Variants in EPHA5 observed in about 807,000 individuals in gnomAD.
EPHA5 encodes ephrin type-A receptor 5.
In EPHA5, 60 loss-of-function variants were observed where a neutral mutation model predicts 105.0. The ratio of observed to expected loss-of-function variants is 0.57; its 90% CI spans 0.46 to 0.71. EPHA5 has a LOEUF of 0.71. Ranked by LOEUF, EPHA5 falls within the 30% of genes least tolerant of loss-of-function variation. EPHA5 has a pLI of 0.00. For missense variants in EPHA5, 1,218 were observed against 1,274.7 expected (o/e 0.96, Z 0.68); for synonymous variants, 513 against 449.1 (o/e 1.14, Z -1.80).
intron 4 of EPHA5, among the ~76,000 whole-genome samples, chr4:65,494,394 C>T (rs1453396429): frequency 6.6e-6 from 1 of 152,132 alleles, no homozygotes; most frequent in African/African-American, 2.4e-5. Context: ...CTACAACTTT[C>T]TGGGACCTAA....
At chr4:65,411,483 A>G (rs1234469704) in intron 7 of EPHA5, among the ~76,000 whole-genome samples, 1 of 152,138 alleles carries the variant, frequency 6.6e-6, no homozygotes, top group Non-Finnish European at 1.5e-5. Flanking sequence ...CTTTTTAAAA[A>G]GTATACTCAG....
intron 5 of EPHA5, among the ~76,000 whole-genome samples, chr4:65,438,060 T>C (rs1725653681): frequency 6.6e-6 from 1 of 152,014 alleles, no homozygotes; most frequent in South Asian, 2.1e-4. Context: ...CATTCTTTTA[T>C]TTAATTAAAT....
chr4:65,483,579 G>T (rs1730593133), intron 5 of EPHA5, among the ~76,000 whole-genome samples: 1 of 152,134 alleles, frequency 6.6e-6, no homozygotes, highest in African/African-American at 2.4e-5. Context: ...ACCTTTCACA[G>T]ATTATTGAAT....
chr4:65,355,689 C>A (rs1189106924), intron 11 of EPHA5, among the ~76,000 whole-genome samples: 2 of 151,484 alleles, frequency 1.3e-5, no homozygotes, highest in Admixed American at 1.3e-4. Flanking sequence ...CCTGGATCAC[C>A]CTATGATATT....
intron 3 of EPHA5, among the ~76,000 whole-genome samples, chr4:65,559,248 T>G (rs1738769306): frequency 6.6e-6 from 1 of 152,176 alleles, no homozygotes; most frequent in South Asian, 2.1e-4. Flanking sequence ...CAATTTAAAA[T>G]CTGCTGAGTT....
At chr4:65,525,239 A>G (rs945539669) in intron 3 of EPHA5, among the ~76,000 whole-genome samples, 7 of 151,720 alleles carry the variant, frequency 4.6e-5, no homozygotes, top group African/African-American at 1.4e-4. Flanking sequence ...AGGAAATACT[A>G]TAATTTATTT....
intron 11 of EPHA5, among the ~76,000 whole-genome samples, chr4:65,364,482 C>T (rs573230142): frequency 6.6e-6 from 1 of 151,630 alleles, no homozygotes; most frequent in Admixed American, 6.6e-5. Flanking sequence ...GAAAGAAAAA[C>T]TAGATTTGCT....
At chr4:65,618,508 A>G (rs1745438337) in intron 2 of EPHA5, among the ~76,000 whole-genome samples, 1 of 152,216 alleles carries the variant, frequency 6.6e-6, no homozygotes, top group Non-Finnish European at 1.5e-5. Context: ...ACAAGAATTT[A>G]GAGCCATGTT....
At chr4:65,586,646 G>GT (rs948692529) in intron 3 of EPHA5, among the ~76,000 whole-genome samples, 31 of 149,732 alleles carry the variant, frequency 2.1e-4, no homozygotes, top group South Asian at 8.4e-4. Flanking sequence ...ATCCCAATGT[G>GT]TTTTTTTTTC....
chr4:65,666,859 G>A (rs956719788), intron 1 of EPHA5, among the ~76,000 whole-genome samples: 1 of 152,000 alleles, frequency 6.6e-6, no homozygotes, highest in African/African-American at 2.4e-5. Context: ...AATTCTGCTT[G>A]GTTATATCTA....
At chr4:65,540,369 A>T (rs1736698719) in intron 3 of EPHA5, among the ~76,000 whole-genome samples, 1 of 151,482 alleles carries the variant, frequency 6.6e-6, no homozygotes, top group Admixed American at 6.6e-5. Context: ...GTCACTGGCA[A>T]CACTATAGTT....
At chr4:65,566,778 A>AT (rs897342065) in intron 3 of EPHA5, among the ~76,000 whole-genome samples, 1 of 151,632 alleles carries the variant, frequency 6.6e-6, no homozygotes, top group Non-Finnish European at 1.5e-5. Flanking sequence ...TAATTATTAC[A>AT]TTTTTTTCTC....
intron 5 of EPHA5, among the ~76,000 whole-genome samples, chr4:65,443,432 A>G (rs1214313295): frequency 6.6e-6 from 1 of 151,812 alleles, no homozygotes; most frequent in Non-Finnish European, 1.5e-5. Context: ...GCGATACCGA[A>G]TTAGATGGAA....
intron 8 of EPHA5, among the ~76,000 whole-genome samples, chr4:65,390,461 C>A (rs1231667978): frequency 1.3e-5 from 2 of 152,008 alleles, no homozygotes; most frequent in Non-Finnish European, 2.9e-5. Context: ...GATGGCCCTG[C>A]ATGACATGCC....
intron 3 of EPHA5, among the ~76,000 whole-genome samples, chr4:65,557,969 T>C (rs1738625865): frequency 6.6e-6 from 1 of 151,916 alleles, no homozygotes; most frequent in Admixed American, 6.6e-5. Context: ...CTCCTCCTCC[T>C]GGGTTCAAGC....
intron 2 of EPHA5, among the ~76,000 whole-genome samples, chr4:65,609,721 TTATCC>T (rs1744585720): frequency 6.6e-6 from 1 of 151,698 alleles, no homozygotes; most frequent in African/African-American, 2.4e-5. Context: ...CCTTTAACAA[TTATCC>T]AAGTGCAGAA....
intron 1 of EPHA5, among the ~76,000 whole-genome samples, chr4:65,652,954 A>C (rs1003604719): frequency 3.9e-5 from 6 of 152,068 alleles, no homozygotes; most frequent in African/African-American, 1.4e-4. Flanking sequence ...GGGGCAAAAT[A>C]GGATAGCATT....
rs188399567 is a variant in EPHA5, at chr4:65,463,471, G to A, written c.1402+26906C>T. On this transcript the variant is annotated intron_variant, in intron 5 of 16. Transcript: ENST00000613740. The stretch of plus-strand genomic sequence containing the variant: ...AGAAAGATCACTACTGTTAATACAG[G>A]CTCTTCAAAGTAATAGAAAACTCTT... Among the ~76,000 whole-genome samples, 289 of 152,160 alleles carry A rather than the reference G, an allele frequency of 1.9e-3. 1 individual carries two copies. The highest frequency in any genetic ancestry group is 6.1e-3 in the African/African-American group (255 of 41,544).
intron 8 of EPHA5, among the ~76,000 whole-genome samples, chr4:65,399,627 A>C (rs1240072036): frequency 1.3e-5 from 2 of 152,242 alleles, no homozygotes; most frequent in African/African-American, 4.8e-5. Context: ...AAATTAACAA[A>C]AAGTTTTAAG....
Sources: gnomAD v4.1 joint callset for allele counts (sites outside exome capture counted in the v4.1 genomes callset) on GRCh38, gnomAD v4.1.1 for gene constraint, MANE v1.5 for transcripts, NCBI Gene and HGNC (gene_info 2026-07-23, HGNC 2026-07-21) for gene names.